The following SLC2A9 variants were observed in gnomAD, a reference collection of about 807,000 sequenced individuals.
SLC2A9 encodes the protein solute carrier family 2 member 9.
In SLC2A9, 39 loss-of-function variants were observed where a neutral mutation model predicts 50.6. The ratio of observed to expected loss-of-function variants is 0.77; its 90% CI spans 0.60 to 1.01. The LOEUF (loss-of-function observed/expected upper bound fraction) is 1.01. Among genes scored for constraint, SLC2A9 ranks in the 50% least tolerant of loss-of-function variants. SLC2A9 has a pLI of 0.00. For synonymous variants in SLC2A9, 324 were observed against 276.9 expected, an observed-to-expected ratio of 1.17 and a Z score of -1.69; for missense variants, 686 against 677.6, an observed-to-expected ratio of 1.01 and a Z score of -0.14.
intron 7 of SLC2A9, among the ~76,000 whole-genome samples, chr4:9,917,396 G>A (rs1478120305): frequency 1.1e-4 from 15 of 135,934 alleles, no homozygotes; most frequent in African/African-American, 3.5e-4. Flanking sequence ...GTAGTGGTGC[G>A]ATCTTGGCTC....
intron 6 of SLC2A9, 28 bp from the exon 7 acceptor site, chr4:9,920,600 C>A (rs1372274943): frequency 1.2e-6 from 2 of 1,613,766 alleles, no homozygotes; most frequent in African/African-American, 1.3e-5. Context: ...CATGGACTTT[C>A]AGCAGGGATT....
At chr4:9,956,565 G>A (rs1340112968) in intron 5 of SLC2A9, among the ~76,000 whole-genome samples, 1 of 152,138 alleles carries the variant, frequency 6.6e-6, no homozygotes, top group Non-Finnish European at 1.5e-5. Context: ...CTCTTCTCTG[G>A]AGGAATTGAG....
At chr4:9,902,607 C>T (rs554263269) in intron 8 of SLC2A9, among the ~76,000 whole-genome samples, 5 of 152,088 alleles carry the variant, frequency 3.3e-5, no homozygotes, top group African/African-American at 1.2e-4. Flanking sequence ...CCTCTGGAGG[C>T]GCCAGGGAAG....
At chr4:9,801,769 AATCTAAGTT>A (rs1160478767) in intron 3 of SLC2A9, among the ~76,000 whole-genome samples, 1 of 152,202 alleles carries the variant, frequency 6.6e-6, no homozygotes, top group Non-Finnish European at 1.5e-5. Flanking sequence ...GCACGTGGTG[AATCTAAGTT>A]ATCTAAGTTG....
intron 10 of SLC2A9, among the ~76,000 whole-genome samples, chr4:9,880,725 A>C (rs1298353262): frequency 6.6e-6 from 1 of 152,202 alleles, no homozygotes; most frequent in Non-Finnish European, 1.5e-5. Flanking sequence ...TGTTATGGAA[A>C]AAGATAACTC....
chr4:9,986,344 G>T (rs772215870), intron 3 of SLC2A9, among the ~76,000 whole-genome samples: 2 of 152,172 alleles, frequency 1.3e-5, no homozygotes, highest in Admixed American at 1.3e-4. Context: ...TTCTGGTTCT[G>T]GAAATGGACA....
chr4:10,007,886 T>A (rs1173604512), intron 2 of SLC2A9, among the ~76,000 whole-genome samples: 2 of 152,210 alleles, frequency 1.3e-5, no homozygotes, highest in East Asian at 3.8e-4. Flanking sequence ...AGCTTGTAGA[T>A]GAGGCCGCCA....
intron 6 of SLC2A9, among the ~76,000 whole-genome samples, chr4:9,927,857 T>C (rs1375814724): frequency 6.6e-6 from 1 of 152,354 alleles, no homozygotes; most frequent in East Asian, 1.9e-4. Flanking sequence ...GCCTTCGATC[T>C]GTCTTTTGAA....
chr4:10,020,039 A>AGTGTGTGT (rs112964589), intron 1 of SLC2A9, among the ~76,000 whole-genome samples: 3,929 of 148,044 alleles, frequency 0.027, 60 homozygotes, highest in Non-Finnish European at 0.037. Flanking sequence ...CATATTTGTG[A>AGTGTGTGT]GTGTGTGTGT....
chr4:9,997,287 G>A (rs1758848514), intron 2 of SLC2A9, among the ~76,000 whole-genome samples: 1 of 152,146 alleles, frequency 6.6e-6, no homozygotes, highest in African/African-American at 2.4e-5. Flanking sequence ...AAAGTGACTT[G>A]CTAGGTAAGT....
intron 3 of SLC2A9, among the ~76,000 whole-genome samples, chr4:9,991,749 C>T (rs913707541): frequency 6.6e-6 from 1 of 152,178 alleles, no homozygotes; most frequent in Non-Finnish European, 1.5e-5. Flanking sequence ...TGCACACACA[C>T]AGGGAGCACA....
chr4:9,916,283 G>A (rs1186792042), intron 7 of SLC2A9, among the ~76,000 whole-genome samples: 1 of 152,206 alleles, frequency 6.6e-6, no homozygotes, highest in African/African-American at 2.4e-5. Context: ...CCCACCAAGT[G>A]CAAAGACCCA....
At chr4:9,842,503 A>T (rs1252287302) in intron 10 of SLC2A9, among the ~76,000 whole-genome samples, 2 of 152,206 alleles carry the variant, frequency 1.3e-5, no homozygotes, top group Non-Finnish European at 2.9e-5. Context: ...GTAATTACAG[A>T]TTCGGAAACT....
chr4:9,970,897 A>C (rs1269751289), intron 5 of SLC2A9, among the ~76,000 whole-genome samples: 3 of 152,210 alleles, frequency 2.0e-5, no homozygotes, highest in Non-Finnish European at 4.4e-5. Flanking sequence ...AACTGATGTT[A>C]TCTATAGATT....
At chr4:10,026,993 G>C (rs1474214967) in intron 1 of SLC2A9, among the ~76,000 whole-genome samples, 1 of 151,852 alleles carries the variant, frequency 6.6e-6, no homozygotes, top group East Asian at 1.9e-4. Flanking sequence ...GCAGTGGGCT[G>C]AGATCTCGCC....
intron 2 of SLC2A9, chr4:10,006,600 T>C (rs997494151): frequency 6.6e-6 from 1 of 152,140 alleles, no homozygotes; most frequent in African/African-American, 2.4e-5. Context: ...TGCTACCTAA[T>C]GTCGCCTGGC....
chr4:9,838,549 C>T (rs1274299888), intron 10 of SLC2A9, among the ~76,000 whole-genome samples: 3 of 152,244 alleles, frequency 2.0e-5, no homozygotes, highest in Admixed American at 2.0e-4. Context: ...ATAGCCAAGG[C>T]AATGCTAAGC....
chr4:10,030,069 T>C (rs535966493), intron 1 of SLC2A9, among the ~76,000 whole-genome samples: 18 of 152,336 alleles, frequency 1.2e-4, no homozygotes, highest in Non-Finnish European at 2.1e-4. Flanking sequence ...TGCATATATA[T>C]GAATACCCAA....
rs1577881666 is a variant in SLC2A9 at position 9,917,739 on chromosome 4, G to T, written c.1002+2646C>A. On this transcript the variant is annotated intron_variant, in intron 7 of 11. Transcript: ENST00000264784. ...TTGATACAGAGGTTCTCAGCCAGGG[G>T]CAATTTTGCTCCCATGGGATGTTTG... 2.0e-5 allele frequency among the ~76,000 whole-genome samples: 3 copies of T among 152,278 alleles called. No homozygotes were observed. The South Asian group carries it at 6.2e-4, about 32-fold the overall frequency.
Sources: gnomAD v4.1 joint callset for allele counts (sites outside exome capture counted in the v4.1 genomes callset) on GRCh38, gnomAD v4.1.1 for gene constraint, MANE v1.5 for transcripts, NCBI Gene and HGNC (gene_info 2026-07-23, HGNC 2026-07-21) for gene names.